ZFHX4: variants seen among roughly 807,000 people sequenced by gnomAD.
The protein encoded by ZFHX4 is zinc finger homeobox protein 4.
Under a neutral mutation model 267.6 loss-of-function variants are expected in ZFHX4, and 56 were observed. That is an observed-to-expected ratio of 0.21 (90% confidence interval 0.17 to 0.26). ZFHX4 has a LOEUF of 0.26. Ranked by LOEUF, ZFHX4 falls within the 10% of genes least tolerant of loss-of-function variation. ZFHX4 has a pLI of 1.00. For synonymous variants in ZFHX4, 1,778 were observed against 1,665.6 expected (o/e 1.07, Z -1.64); for missense variants, 4,332 against 4,420.0 (o/e 0.98, Z 0.56).
At position 76,863,325 on chromosome 8, in the gene ZFHX4, A is replaced by C. The variant is rs777154750; in HGVS notation, c.9611A>C (p.Glu3204Ala). The change falls in exon 11 of 11, where the codon GAG becomes GCG. Residue 3204 changes from glutamate (E) to alanine (A), a missense_variant. By Grantham distance (107) the Glu-to-Ala change is moderately radical. Transcript: ENST00000651372. The stretch of plus-strand genomic sequence containing the variant: ...CCAAACAAGGTGAAAAAAATCAAAG[A>C]GGAGGAATTAGAGGCCACCAAACCC... ...TKPNKVKKIKEEELEATKPEK... is the reference protein window; with the variant it reads ...TKPNKVKKIKAEELEATKPEK... 4 of 1,613,276 alleles carry C rather than the reference A, an allele frequency of 2.5e-6. No homozygotes were observed. The highest frequency in any genetic ancestry group is 3.4e-6 in the Non-Finnish European group (4 of 1,179,730).
chr8:76,752,652 T>C (rs568993450), intron 3 of ZFHX4, among the ~76,000 whole-genome samples: 3 of 151,834 alleles, frequency 2.0e-5, no homozygotes, highest in African/African-American at 7.3e-5. Context: ...GCCTGGATGA[T>C]AAAGTGAGAC....
intron 1 of ZFHX4, among the ~76,000 whole-genome samples, chr8:76,701,094 T>C (rs1730226240): frequency 6.6e-6 from 1 of 152,154 alleles, no homozygotes; most frequent in Non-Finnish European, 1.5e-5. Context: ...TAGCATCATA[T>C]TCAGTGTCAC....
intron 4 of ZFHX4, among the ~76,000 whole-genome samples, chr8:76,784,020 ATAAT>A (rs1563520265): frequency 6.6e-6 from 1 of 151,992 alleles, no homozygotes; most frequent in Admixed American, 6.6e-5. Flanking sequence ...GCTTTTTAAA[ATAAT>A]TAGTCTTTTA....
At chr8:76,835,260 T>TATGTATATATATG (rs1563549213) in intron 5 of ZFHX4, among the ~76,000 whole-genome samples, 9 of 143,582 alleles carry the variant, frequency 6.3e-5, no homozygotes, top group Non-Finnish European at 9.1e-5. Flanking sequence ...TATATATATA[T>TATGTATATATATG]TCATACATAT....
intron 4 of ZFHX4, among the ~76,000 whole-genome samples, chr8:76,791,488 T>G (rs1157622280): frequency 6.6e-6 from 1 of 152,186 alleles, no homozygotes; most frequent in Non-Finnish European, 1.5e-5. Flanking sequence ...ATAAATGATA[T>G]TAATATCATA....
intron 5 of ZFHX4, chr8:76,834,386 C>G (rs1316900041): frequency 4.3e-6 from 1 of 232,926 alleles, no homozygotes; most frequent in African/African-American, 2.3e-5. Flanking sequence ...CCCACATCAT[C>G]ACCAGCATTT....
intron 6 of ZFHX4, among the ~76,000 whole-genome samples, chr8:76,843,465 G>C (rs151047301): frequency 1.6e-4 from 25 of 152,262 alleles, no homozygotes; most frequent in African/African-American, 5.3e-4. Context: ...ATTTACTTGT[G>C]CACAAACAAA....
chr8:76,762,658 C>T (rs569210717), intron 3 of ZFHX4, among the ~76,000 whole-genome samples: 1 of 152,222 alleles, frequency 6.6e-6, no homozygotes, highest in South Asian at 2.1e-4. Context: ...TAAATATACA[C>T]AGAGCTAATT....
chr8:76,763,479 T>C (rs1261293200), intron 3 of ZFHX4, among the ~76,000 whole-genome samples: 1 of 151,928 alleles, frequency 6.6e-6, no homozygotes, highest in Admixed American at 6.6e-5. Context: ...AAAAATTAGC[T>C]GGGCATGATG....
intron 3 of ZFHX4, among the ~76,000 whole-genome samples, chr8:76,718,055 T>C (rs1036429761): frequency 2.6e-5 from 4 of 152,340 alleles, no homozygotes; most frequent in African/African-American, 9.6e-5. Flanking sequence ...GCAAGTCTAA[T>C]TGCCGACACC....
Position 76,853,845 on chromosome 8 carries a change from C to T in ZFHX4, c.6924C>T (p.Ser2308=), listed in dbSNP as rs1042946745. The T allele has an allele frequency of 1.9e-6, 3 of 1,613,766 alleles. No individual in the cohort carries two copies. The African/African-American group carries it at 4.0e-5, about 22-fold the overall frequency. The change falls in exon 10 of 11, where the codon AGC becomes AGT. Residue 2308 remains serine, a synonymous_variant. Coordinates refer to ENST00000651372, the MANE Select transcript of ZFHX4 (RefSeq NM_024721.5). ...CTAATGAACGGTACATTCGAACAAG[C>T]AACATGCAGTACCAGTGTAAAAAGT... ...ELTNERYIRT[S]NMQYQCKKCN...
intron 3 of ZFHX4, among the ~76,000 whole-genome samples, chr8:76,724,371 C>T (rs956357691): frequency 3.3e-5 from 5 of 151,994 alleles, no homozygotes; most frequent in Non-Finnish European, 5.9e-5. Flanking sequence ...TCTTCTCCTA[C>T]GACAGGCTAG....
intron 5 of ZFHX4, among the ~76,000 whole-genome samples, chr8:76,840,925 T>C (rs1812217854): frequency 6.6e-6 from 1 of 152,204 alleles, no homozygotes; most frequent in African/African-American, 2.4e-5. Context: ...GGAGCCTGTG[T>C]TTGATCAGTA....
intron 3 of ZFHX4, 117 bp downstream of exon 3, chr8:76,708,165 C>A (rs2131615520): frequency 8.2e-7 from 1 of 1,226,140 alleles, no homozygotes; most frequent in Non-Finnish European, 1.2e-6. Context: ...CATCAAAGGG[C>A]AGGGGGCACA....
rs1201918949 is a variant in ZFHX4 at position 76,852,894 on chromosome 8, G to A, written c.5973G>A (p.Lys1991=). ...FARQYREAYD[K]LYPISPSSPE... is the part of the protein sequence containing the mutation. Reference sequence around the variant, plus strand: ...GTCAATACAGGGAGGCCTATGACAAGCTTTATCCAATTTCTCCATCTTCTC... The same window carrying A: ...GTCAATACAGGGAGGCCTATGACAAACTTTATCCAATTTCTCCATCTTCTC... Residue 1991 remains lysine, a synonymous_variant, in exon 10 of 11, where the codon AAG becomes AAA. Coordinates refer to ENST00000651372, the MANE Select transcript of ZFHX4 (RefSeq NM_024721.5). 1.2e-6 allele frequency: 2 copies of A among 1,612,794 alleles called. No individual in the cohort carries two copies. Among genetic ancestry groups the A allele is most frequent in the Non-Finnish European group, 1.7e-6 (2 of 1,179,304 alleles).
At chr8:76,708,091 G>A (rs1280156717) in intron 3 of ZFHX4, 43 bp downstream of exon 3, 4 of 1,606,936 alleles carry the variant, frequency 2.5e-6, no homozygotes, top group Admixed American at 1.7e-5. Context: ...AGTAGAAAAG[G>A]GAATTAACTC....
intron 3 of ZFHX4, among the ~76,000 whole-genome samples, chr8:76,772,804 T>A (rs1810297858): frequency 6.6e-6 from 1 of 152,178 alleles, no homozygotes; most frequent in Non-Finnish European, 1.5e-5. Flanking sequence ...TGCACTGCTC[T>A]TGCCACACTT....
chr8:76,753,392 T>G (rs1585910415), intron 3 of ZFHX4, among the ~76,000 whole-genome samples: 1 of 152,278 alleles, frequency 6.6e-6, no homozygotes, highest in East Asian at 1.9e-4. Context: ...GCAATTAATT[T>G]ATTTTAAAAT....
Position 76,705,970 on chromosome 8 carries a change from C to T in ZFHX4, c.1882C>T (p.Leu628Phe). 6.2e-7 allele frequency: 1 copy of T among 1,613,074 alleles called. No individual in the cohort carries two copies. The highest frequency in any genetic ancestry group is 8.5e-7 in the Non-Finnish European group (1 of 1,179,612). The change falls in exon 2 of 11, where the codon CTT (leucine) becomes TTT (phenylalanine). Residue 628 changes from leucine (L) to phenylalanine (F), a missense_variant. Coordinates refer to ENST00000651372, the MANE Select transcript of ZFHX4 (RefSeq NM_024721.5). The stretch of plus-strand genomic sequence containing the variant: ...CACTGTGTTGGGGTCTTCGAGGTCT[C>T]TTGGTGGTCATATGACTATGATGCA... ...CDTVLGSSRS[L>F]GGHMTMMHSR...
Sources: allele counts gnomAD v4.1 joint callset (sites outside exome capture counted in the v4.1 genomes callset), GRCh38; gene constraint gnomAD v4.1.1; transcripts MANE v1.5; gene names NCBI Gene and HGNC (gene_info 2026-07-23, HGNC 2026-07-21).